The following SND1 variants were observed in gnomAD, a reference collection of about 807,000 sequenced individuals.
SND1 encodes the protein staphylococcal nuclease domain-containing protein 1.
Under a neutral mutation model 121.7 loss-of-function variants are expected in SND1, and 38 were observed. That is an observed-to-expected ratio of 0.31 (90% CI 0.24 to 0.41). SND1 has a LOEUF of 0.41. Ranked by LOEUF, SND1 falls within the 10% of genes least tolerant of loss-of-function variation. The probability of loss-of-function intolerance (pLI) is 1.00; values close to 1 mark genes in which losing one functional copy is unlikely to be tolerated. For synonymous variants in SND1, 401 were observed against 447.4 expected (o/e 0.90, Z 1.31); for missense variants, 868 against 1,184.6 (o/e 0.73, Z 3.92).
intron 16 of SND1, chr7:128,028,529 T>G: frequency 1.3e-6 from 1 of 769,524 alleles, no homozygotes. Context: ...ACTTTTTGTC[T>G]TTAAATTTTA....
At chr7:127,818,027 T>C (rs1485839163) in intron 11 of SND1, among the ~76,000 whole-genome samples, 1 of 152,154 alleles carries the variant, frequency 6.6e-6, no homozygotes. Flanking sequence ...GATTTGGATA[T>C]GGAGAAGGCC....
intron 16 of SND1, among the ~76,000 whole-genome samples, chr7:128,014,618 G>A (rs1001607254): frequency 6.6e-6 from 1 of 152,142 alleles, no homozygotes; most frequent in Non-Finnish European, 1.5e-5. Context: ...AGTTGGTGGT[G>A]CAGCTTCCCA....
Position 128,029,463 on chromosome 7 carries a change from C to T in SND1, c.1779+38407C>T. ...GATCCTTGGGTGGCGGGAGGCGTGG[C>T]TGAGCACTGTCCCATTGGGCAGCAA... On this transcript the variant is annotated intron_variant, in intron 16 of 23. Transcript: ENST00000354725. This position sits in a 1 kb window ranked among gnomAD's most constrained non-coding sequence, Gnocchi z 4.2. 1 of 1,614,192 alleles carries T rather than the reference C, an allele frequency of 6.2e-7. No homozygotes were observed. The highest frequency in any genetic ancestry group is 8.5e-7 in the Non-Finnish European group (1 of 1,180,034).
intron 18 of SND1, chr7:128,081,777 G>A: frequency 1.6e-6 from 1 of 618,956 alleles, no homozygotes; most frequent in South Asian, 1.4e-5. Context: ...AGATAACCAG[G>A]TTTATCTGGG....
chr7:127,712,725 T>G (rs1466896893), intron 9 of SND1, among the ~76,000 whole-genome samples: 1 of 152,224 alleles, frequency 6.6e-6, no homozygotes, highest in Non-Finnish European at 1.5e-5. Flanking sequence ...TGCAGTGTTC[T>G]CTCTCATTAT....
At chr7:127,891,801 A>G (rs560766478) in intron 13 of SND1, among the ~76,000 whole-genome samples, 1 of 152,220 alleles carries the variant, frequency 6.6e-6, no homozygotes, top group Non-Finnish European at 1.5e-5. Context: ...CCACTTTTTA[A>G]TCTTCAGCGA....
chr7:128,047,916 C>A (rs138087657), intron 16 of SND1, among the ~76,000 whole-genome samples: 1 of 150,660 alleles, frequency 6.6e-6, no homozygotes, highest in Admixed American at 6.6e-5. Context: ...GGTGTGATCT[C>A]GGCTCACTGC....
At chr7:128,081,545 G>C in intron 18 of SND1, 44 bp downstream of exon 18, 1 of 1,608,674 alleles carries the variant, frequency 6.2e-7, no homozygotes, top group Non-Finnish European at 8.5e-7. Context: ...GCTTGGTCCA[G>C]CTGGCGCTGC....
At chr7:127,724,820 C>T (rs146349182) in intron 10 of SND1, among the ~76,000 whole-genome samples, 43 of 152,234 alleles carry the variant, frequency 2.8e-4, no homozygotes, top group African/African-American at 9.6e-4. Flanking sequence ...TGGTAAGTTT[C>T]AGTTGACCAA....
At chr7:127,722,224 C>T (rs76654493) in intron 10 of SND1, among the ~76,000 whole-genome samples, 2,607 of 151,908 alleles carry the variant, frequency 0.017, 76 homozygotes, top group African/African-American at 0.059. Flanking sequence ...TGAGAGCCAG[C>T]GCCAAAGGCA....
In SND1 at chr7:127,881,306, T is replaced by G. The variant is rs568430021; in HGVS notation, c.1344-6596T>G. On this transcript the variant is annotated intron_variant, in intron 12 of 23. Transcript: ENST00000354725. Reference sequence around the variant, plus strand: ...ATTGGATAATCATTCTATGATTCCCTCCATGCTATGCACATTAAAATTAAA... The same window carrying G: ...ATTGGATAATCATTCTATGATTCCCGCCATGCTATGCACATTAAAATTAAA... Among the ~76,000 whole-genome samples, 8 of 152,298 alleles carry G rather than the reference T, an allele frequency of 5.3e-5. No individual in the cohort carries two copies. The South Asian group carries it at 1.4e-3, about 28-fold the overall frequency.
chr7:127,751,917 G>A (rs1021699047), intron 10 of SND1, among the ~76,000 whole-genome samples: 3 of 152,212 alleles, frequency 2.0e-5, no homozygotes, highest in Admixed American at 1.3e-4. Context: ...GACTGCTCGC[G>A]GGAGCATTAC....
At chr7:128,091,425 G>C (rs1419079944) in intron 22 of SND1, among the ~76,000 whole-genome samples, 1 of 151,720 alleles carries the variant, frequency 6.6e-6, no homozygotes, top group Non-Finnish European at 1.5e-5. Context: ...GGTCAGCCTG[G>C]TCTTGAACTC....
Position 128,089,502 on chromosome 7 carries a change from C to T in SND1, c.2432C>T (p.Thr811Met), listed in dbSNP as rs368551208. ...TCTCTGCTCCAGGATGATGCCCGCACGGACGCCGTGGACAGCGTAGTTCGG... is the reference window on the plus strand; with the variant it reads ...TCTCTGCTCCAGGATGATGCCCGCATGGACGCCGTGGACAGCGTAGTTCGG... ...IQVPQDDDAR[T>M]DAVDSVVRDI... The change falls in exon 22 of 24, where the codon ACG becomes ATG. Residue 811 changes from threonine (T) to methionine (M), a missense_variant. By Grantham distance (81) the Thr-to-Met change is moderately conservative. This residue lies in a region of SND1 where 743 missense variants were observed against 1,071.3 expected (regional missense o/e 0.69). Coordinates refer to ENST00000354725, the MANE Select transcript of SND1 (RefSeq NM_014390.4). 6.1e-5 allele frequency: 99 copies of T among 1,612,528 alleles called. 1 individual carries two copies. Among genetic ancestry groups the T allele is most frequent in the African/African-American group, 9.3e-5 (7 of 74,916 alleles).
intron 16 of SND1, among the ~76,000 whole-genome samples, chr7:128,068,035 T>C (rs1224972618): frequency 6.6e-6 from 1 of 152,084 alleles, no homozygotes; most frequent in African/African-American, 2.4e-5. Context: ...AACTTCACCA[T>C]GACCTGGAGG....
At chr7:128,046,457 G>A (rs370617341) in intron 16 of SND1, among the ~76,000 whole-genome samples, 3 of 147,768 alleles carry the variant, frequency 2.0e-5, no homozygotes, top group East Asian at 2.0e-4. Flanking sequence ...CCTCCACCTC[G>A]GGTTCAAGTG....
At chr7:127,786,248 C>G (rs1797809853) in intron 10 of SND1, among the ~76,000 whole-genome samples, 1 of 152,046 alleles carries the variant, frequency 6.6e-6, no homozygotes, top group African/African-American at 2.4e-5. Flanking sequence ...TTTCATTTTT[C>G]TCTTGAATTT....
chr7:127,715,103 G>A (rs1267399604), intron 9 of SND1, among the ~76,000 whole-genome samples: 1 of 151,886 alleles, frequency 6.6e-6, no homozygotes. Flanking sequence ...CGGTGCACGA[G>A]GGTTCTACTT....
At chr7:127,912,899 A>G (rs1158591083) in intron 14 of SND1, among the ~76,000 whole-genome samples, 1 of 152,236 alleles carries the variant, frequency 6.6e-6, no homozygotes, top group Non-Finnish European at 1.5e-5. Flanking sequence ...AGAAAAATTT[A>G]GAAAGTGAAT....
Sources: gnomAD v4.1 joint callset for allele counts (sites outside exome capture counted in the v4.1 genomes callset) on GRCh38, gnomAD v4.1.1 for gene constraint, gnomAD v4.1.1 regional missense constraint, Gnocchi (gnomAD v3.1) non-coding constraint, MANE v1.5 for transcripts, NCBI Gene and HGNC (gene_info 2026-07-23, HGNC 2026-07-21) for gene names.